Variants in STK32B observed in about 807,000 individuals in gnomAD.
STK32B encodes the protein serine/threonine kinase 32B.
STK32B carries 43 observed loss-of-function variants against 52.6 expected under a neutral mutation model. The ratio of observed to expected loss-of-function variants is 0.82; its 90% CI spans 0.64 to 1.05. The LOEUF is 1.05. Among genes scored for constraint, STK32B ranks in the 50% least tolerant of loss-of-function variants. The pLI is 0.00. For missense variants in STK32B, 621 were observed against 534.6 expected, an observed-to-expected ratio of 1.16 and a Z score of -1.59; for synonymous variants, 238 against 204.3, an observed-to-expected ratio of 1.17 and a Z score of -1.41.
chr4:5,142,969 TG>T (rs1034263562), intron 2 of STK32B, among the ~76,000 whole-genome samples: 18 of 152,360 alleles, frequency 1.2e-4, no homozygotes, highest in African/African-American at 4.3e-4. Context: ...GCCTTTGGAC[TG>T]GAGTTGCAGT....
chr4:5,276,120 C>T (rs1375915275), intron 3 of STK32B, among the ~76,000 whole-genome samples: 1 of 152,040 alleles, frequency 6.6e-6, no homozygotes, highest in Non-Finnish European at 1.5e-5. Context: ...AAAACCCCAT[C>T]TCTACTAAAA....
At chr4:5,492,069 T>C (rs991510885) in intron 11 of STK32B, among the ~76,000 whole-genome samples, 1 of 152,276 alleles carries the variant, frequency 6.6e-6, no homozygotes, top group Non-Finnish European at 1.5e-5. Context: ...CGGGCTCTTT[T>C]TTGGTTCCAT....
intron 1 of STK32B, among the ~76,000 whole-genome samples, chr4:5,085,303 C>T (rs537776805): frequency 6.6e-6 from 1 of 152,094 alleles, no homozygotes; most frequent in Admixed American, 6.5e-5. Context: ...AGTGCCTGAC[C>T]CACAATTATC....
At chr4:5,317,522 TTATA>T (rs1250778694) in intron 3 of STK32B, among the ~76,000 whole-genome samples, 1 of 109,084 alleles carries the variant, frequency 9.2e-6, no homozygotes, top group South Asian at 2.3e-4. Flanking sequence ...AATATATTTA[TTATA>T]TATATATTAC....
intron 3 of STK32B, among the ~76,000 whole-genome samples, chr4:5,229,372 C>T (rs570782406): frequency 6.6e-6 from 1 of 152,250 alleles, no homozygotes; most frequent in East Asian, 1.9e-4. Flanking sequence ...ATCCATGTAA[C>T]AAAACTGCAT....
At chr4:5,123,700 AG>A (rs1163653440) in intron 1 of STK32B, among the ~76,000 whole-genome samples, 2 of 152,080 alleles carry the variant, frequency 1.3e-5, no homozygotes, top group Admixed American at 1.3e-4. Flanking sequence ...ATATTGGATT[AG>A]GGCCCCACCT....
At chr4:5,140,950 C>T (rs1716400511) in intron 2 of STK32B, among the ~76,000 whole-genome samples, 1 of 152,070 alleles carries the variant, frequency 6.6e-6, no homozygotes, top group African/African-American at 2.4e-5. Context: ...CTTTATGGTA[C>T]ATTAGATAAT....
At chr4:5,261,413 G>C (rs1451367172) in intron 3 of STK32B, among the ~76,000 whole-genome samples, 1 of 152,202 alleles carries the variant, frequency 6.6e-6, no homozygotes, top group Admixed American at 6.5e-5. Context: ...ATGGTGTTGA[G>C]GCCCTTAGCA....
upstream of STK32B, among the ~76,000 whole-genome samples, chr4:5,049,188 C>A (rs1362546529): frequency 6.6e-6 from 1 of 151,952 alleles, no homozygotes; most frequent in East Asian, 1.9e-4. Flanking sequence ...TGGCCAATGC[C>A]TTCTTTTCTT....
At chr4:5,365,955 T>G (rs1436348305) in intron 4 of STK32B, among the ~76,000 whole-genome samples, 1 of 152,208 alleles carries the variant, frequency 6.6e-6, no homozygotes, top group Non-Finnish European at 1.5e-5. Context: ...CCTCAGTGTT[T>G]ACAGATGTGC....
intron 2 of STK32B, among the ~76,000 whole-genome samples, chr4:5,142,966 G>A (rs1192218189): frequency 2.0e-5 from 3 of 152,210 alleles, no homozygotes; most frequent in Non-Finnish European, 4.4e-5. Flanking sequence ...GTGGCCTTTG[G>A]ACTGGAGTTG....
intron 3 of STK32B, among the ~76,000 whole-genome samples, chr4:5,173,270 A>AT (rs1189602770): frequency 9.2e-5 from 14 of 151,974 alleles, no homozygotes; most frequent in East Asian, 3.9e-4. Context: ...GGATTCATTG[A>AT]TTTTTTGAAG....
chr4:5,154,256 C>G (rs991470528), intron 2 of STK32B, among the ~76,000 whole-genome samples: 1 of 144,742 alleles, frequency 6.9e-6, no homozygotes, highest in Admixed American at 7.1e-5. Flanking sequence ...GCTCTTGTTG[C>G]CCAGGCTGGA....
chr4:5,319,546 C>G (rs928093339), intron 3 of STK32B, among the ~76,000 whole-genome samples: 1 of 146,536 alleles, frequency 6.8e-6, no homozygotes. Context: ...TCTCCTCACT[C>G]CCATCTTACC....
rs548889558 is a variant in STK32B, at chr4:5,070,710, C to T, written c.52+18795C>T. On this transcript the variant is annotated intron_variant, in intron 1 of 11. Transcript: ENST00000282908. Reference sequence around the variant, plus strand: ...AAAGGATATGGTAAGAGTTCCTTGGCGGTTCCATTCTCTCAGAGCAGCATC... The same window carrying T: ...AAAGGATATGGTAAGAGTTCCTTGGTGGTTCCATTCTCTCAGAGCAGCATC... Among the ~76,000 whole-genome samples, 8 of 152,262 alleles carry T rather than the reference C, an allele frequency of 5.3e-5. No homozygotes were observed. In the South Asian group the frequency reaches 1.0e-3, roughly 20 times the overall value.
chr4:5,311,742 G>A (rs1248118636), intron 3 of STK32B, among the ~76,000 whole-genome samples: 2 of 152,006 alleles, frequency 1.3e-5, no homozygotes, highest in Non-Finnish European at 2.9e-5. Flanking sequence ...AGGAAAAAAT[G>A]AACACTCCTA....
At chr4:5,044,068 T>C in the STK32B span, among the ~76,000 whole-genome samples, 1 of 152,184 alleles carries the variant, frequency 6.6e-6, no homozygotes, top group East Asian at 1.9e-4. Context: ...CTTCTAGGCA[T>C]TTAATTCTCA....
chr4:5,055,063 G>A (rs376266091), intron 1 of STK32B, among the ~76,000 whole-genome samples: 4 of 151,418 alleles, frequency 2.6e-5, no homozygotes, highest in East Asian at 3.9e-4. Flanking sequence ...TCCTCCAGTT[G>A]CAAATGATGG....
At chr4:5,397,033 T>C (rs574284189) in intron 4 of STK32B, among the ~76,000 whole-genome samples, 4 of 152,178 alleles carry the variant, frequency 2.6e-5, no homozygotes, top group African/African-American at 7.2e-5. Flanking sequence ...AAAATAAAAA[T>C]TTAAATGTAT....
Sources: allele counts gnomAD v4.1 joint callset (sites outside exome capture counted in the v4.1 genomes callset), GRCh38; gene constraint gnomAD v4.1.1; transcripts MANE v1.5; gene names NCBI Gene and HGNC (gene_info 2026-07-23, HGNC 2026-07-21).